The following IQSEC1 variants were observed in gnomAD, a reference collection of about 807,000 sequenced individuals.
IQSEC1 encodes IQ motif and Sec7 domain ArfGEF 1.
A neutral mutation model predicts 91.0 loss-of-function variants in IQSEC1; 31 were observed. The ratio of observed to expected loss-of-function variants is 0.34; its 90% confidence interval spans 0.26 to 0.46. The LOEUF (loss-of-function observed/expected upper bound fraction) is 0.46. Ranked by LOEUF, IQSEC1 falls within the 20% of genes least tolerant of loss-of-function variation. The probability of loss-of-function intolerance (pLI) is 1.00; values close to 1 mark genes in which losing one functional copy is unlikely to be tolerated. For missense variants in IQSEC1, 1,388 were observed against 1,575.6 expected (o/e 0.88, Z 2.02); for synonymous variants, 699 against 662.6 (o/e 1.05, Z -0.84).
At chr3:13,070,483 G>T (rs906918051) in intron 1 of IQSEC1, among the ~76,000 whole-genome samples, 25 of 152,202 alleles carry the variant, frequency 1.6e-4, no homozygotes, top group Admixed American at 1.0e-3. Flanking sequence ...GAAAGGCAGG[G>T]TAACAATAAG....
chr3:12,911,303 C>A (rs1391578196), intron 10 of IQSEC1, among the ~76,000 whole-genome samples: 1 of 152,230 alleles, frequency 6.6e-6, no homozygotes, highest in Non-Finnish European at 1.5e-5. Context: ...TTGCATATCA[C>A]CTATGACTTA....
Position 13,193,694 on chromosome 3 carries a change from G to T in IQSEC1, c.273-29561C>A, listed in dbSNP as rs982670233. Among the ~76,000 whole-genome samples, 2 of 152,158 alleles carry T rather than the reference G, an allele frequency of 1.3e-5. No homozygotes were observed. The highest frequency in any genetic ancestry group is 6.5e-5 in the Admixed American group (1 of 15,280). On this transcript the variant is annotated intron_variant, in intron 1 of 15. Coordinates refer to the IQSEC1 transcript ENST00000648114. This position sits in a 1 kb window ranked among gnomAD's most constrained non-coding sequence, Gnocchi z 4.2. ...AAGAGGCAGTTGGAGACCAAAGGCT[G>T]ATGTCAGAGCTTAAGCCTCCCTCCT...
intron 1 of IQSEC1, among the ~76,000 whole-genome samples, chr3:13,237,693 G>C (rs774465105): frequency 6.6e-6 from 1 of 152,240 alleles, no homozygotes; most frequent in Non-Finnish European, 1.5e-5. Context: ...TGGTGCACTT[G>C]CAAATCCTCA....
chr3:13,052,530 C>T (rs144236232), intron 1 of IQSEC1, among the ~76,000 whole-genome samples: 16 of 152,270 alleles, frequency 1.1e-4, no homozygotes, highest in African/African-American at 3.6e-4. Context: ...TTTGTGTAGA[C>T]GCCAGTCTTC....
Position 12,901,129 on chromosome 3 carries a change from G to T in IQSEC1, c.3199C>A (p.Pro1067Thr). ...CCGTGGGCATGGGCCCCGTAGGCTG[G>T]GTGGCCCCCATGGGGGCCGTGGTGG... is the stretch of plus-strand genomic sequence containing the variant. ...QYHHGPHGGH[P>T]AYGAHAHGHP... The change falls in exon 14 of 14, where the codon CCA becomes ACA. Residue 1067 changes from proline to threonine, a missense_variant. By Grantham distance (38) the Pro-to-Thr change is conservative. Around this residue, in one of 2 missense-constraint regions of IQSEC1, gnomAD observed 329 missense variants for 257.8 expected, o/e 1.28. Coordinates refer to ENST00000613206, the MANE Select transcript of IQSEC1 (RefSeq NM_001134382.3). 1.3e-6 allele frequency: 2 copies of T among 1,542,706 alleles called. No individual in the cohort carries two copies. The highest frequency in any genetic ancestry group is 8.7e-7 in the Non-Finnish European group (1 of 1,145,748).
chr3:13,154,259 C>T (rs912135713), intron 2 of IQSEC1, among the ~76,000 whole-genome samples: 3 of 150,148 alleles, frequency 2.0e-5, no homozygotes, highest in Non-Finnish European at 4.4e-5. Flanking sequence ...GCAGGGTCAC[C>T]GCATGTTCAA....
At chr3:13,161,530 C>T (rs1330505328) in intron 2 of IQSEC1, among the ~76,000 whole-genome samples, 5 of 152,142 alleles carry the variant, frequency 3.3e-5, no homozygotes, top group Admixed American at 6.5e-5. Flanking sequence ...AAAAGGGAGG[C>T]CCAGCTCCTG....
At chr3:12,943,596 A>C (rs191719902) in intron 1 of IQSEC1, among the ~76,000 whole-genome samples, 256 of 151,998 alleles carry the variant, frequency 1.7e-3, no homozygotes, top group African/African-American at 5.7e-3. Flanking sequence ...CACAGACCCC[A>C]CTCAGCTGCG....
At chr3:13,168,868 C>T (rs931753195) in intron 1 of IQSEC1, among the ~76,000 whole-genome samples, 1 of 152,210 alleles carries the variant, frequency 6.6e-6, no homozygotes, top group African/African-American at 2.4e-5. Context: ...GATTCTCTGC[C>T]ATATTACCCC....
chr3:13,204,543 C>A (rs942102152), intron 1 of IQSEC1, among the ~76,000 whole-genome samples: 3 of 152,218 alleles, frequency 2.0e-5, no homozygotes, highest in African/African-American at 7.2e-5. Flanking sequence ...GCTCACGCTG[C>A]GCCTCAGCTG....
chr3:13,010,993 C>T (rs1702858342), intron 1 of IQSEC1, among the ~76,000 whole-genome samples: 1 of 152,254 alleles, frequency 6.6e-6, no homozygotes, highest in Non-Finnish European at 1.5e-5. Context: ...CCCACACTTC[C>T]TCCACCACTC....
chr3:13,123,790 G>A (rs1706464418), intron 2 of IQSEC1, among the ~76,000 whole-genome samples: 1 of 152,220 alleles, frequency 6.6e-6, no homozygotes, highest in Admixed American at 6.5e-5. Context: ...CCAGAGCCCT[G>A]CGCTGACCTG....
rs555154307 is a variant in IQSEC1 at position 12,987,015 on chromosome 3, G to A, written c.24-45150C>T. 6.5e-5 allele frequency: 29 copies of A among 443,140 alleles called. 1 individual carries two copies. The highest frequency in any genetic ancestry group is 4.0e-4 in the South Asian group (25 of 63,206). 27.5% of individuals were successfully genotyped at this position (443,140 alleles called of 1,614,324 possible). A position where few individuals can be genotyped will look rare whatever the true frequency, so the allele number is the denominator to read the frequency against. On this transcript the variant is annotated intron_variant, in intron 1 of 13. Coordinates refer to ENST00000613206, the MANE Select transcript of IQSEC1 (RefSeq NM_001134382.3). ...TGGGGGCCTCCTGCCACAAACAGCC[G>A]CAGCCTGGCTGGCTTCTCAGGCCTC... is the stretch of plus-strand genomic sequence containing the variant.
chr3:13,100,535 G>A lies in IQSEC1; in HGVS notation c.303-53013C>T, dbSNP rs1482574419. On this transcript the variant is annotated intron_variant, in intron 2 of 15. Transcript: ENST00000648114. ...ACCTCCTTGAGCTCCGCCTCTTGCA[G>A]CTAGAGTTGGGACAGCGGCGGGCGC... 6.1e-5 allele frequency among the ~76,000 whole-genome samples: 9 copies of A among 148,734 alleles called. 2 individuals carry two copies. Among genetic ancestry groups the A allele is most frequent in the African/African-American group, 2.3e-4 (9 of 39,438 alleles).
At position 12,936,076 on chromosome 3, in the gene IQSEC1, T is replaced by C. The variant is rs759831591; in HGVS notation, c.940A>G (p.Thr314Ala). 31 of 1,608,712 alleles carry C rather than the reference T, an allele frequency of 1.9e-5. No individual in the cohort carries two copies. In the African/African-American group the frequency reaches 3.6e-4, roughly 19 times the overall value. ...LSQAGDRPSS[T>A]ESDLRLRAGG... Reference sequence around the variant, plus strand: ...GCCCGTAGCCGCAGGTCCGACTCGGTGCTGGACGGCCGGTCCCCTGCCTGC... The same window carrying C: ...GCCCGTAGCCGCAGGTCCGACTCGGCGCTGGACGGCCGGTCCCCTGCCTGC... The change falls in exon 3 of 14, where the codon ACC (threonine) becomes GCC (alanine). Residue 314 changes from threonine (T) to alanine (A), a missense_variant. This residue lies in a region of IQSEC1 where 1,059 missense variants were observed against 1,317.8 expected (regional missense o/e 0.80). Coordinates refer to ENST00000613206, the MANE Select transcript of IQSEC1 (RefSeq NM_001134382.3).
At chr3:12,969,769 G>T (rs73813749) in intron 1 of IQSEC1, among the ~76,000 whole-genome samples, 73 of 152,350 alleles carry the variant, frequency 4.8e-4, no homozygotes, top group African/African-American at 1.6e-3. Flanking sequence ...TGGTCTTGGC[G>T]ACATTGTCTC....
In IQSEC1 at chr3:12,901,995, G is replaced by C. The variant is rs960234613; in HGVS notation, c.2806-473C>G. Among the ~76,000 whole-genome samples the C allele has an allele frequency of 1.4e-4, 22 of 151,886 alleles. 1 individual carries two copies. Among genetic ancestry groups the C allele is most frequent in the African/African-American group, 5.1e-4 (21 of 41,326 alleles). On this transcript the variant is annotated intron_variant, in intron 13 of 13. Transcript: ENST00000613206. ...CAACTGGGCTGAGGGCATGTGCTCC[G>C]CCCATGTGGGTCCTGAGGTCTCGGG...
At chr3:13,029,777 C>A (rs1453231747) in intron 1 of IQSEC1, among the ~76,000 whole-genome samples, 2 of 152,246 alleles carry the variant, frequency 1.3e-5, no homozygotes, top group Non-Finnish European at 2.9e-5. Flanking sequence ...CTGGTGAGGA[C>A]TGGTAAGGAC....
chr3:13,084,389 A>G (rs1363761761), intron 2 of IQSEC1, among the ~76,000 whole-genome samples: 1 of 152,196 alleles, frequency 6.6e-6, no homozygotes, highest in South Asian at 2.1e-4. Flanking sequence ...TGGCCTGGCA[A>G]CATCCCAGGG....
Sources: allele counts gnomAD v4.1 joint callset (sites outside exome capture counted in the v4.1 genomes callset), GRCh38; gene constraint gnomAD v4.1.1; regional missense constraint gnomAD v4.1.1; non-coding constraint Gnocchi (gnomAD v3.1); transcripts MANE v1.5; gene names NCBI Gene and HGNC (gene_info 2026-07-23, HGNC 2026-07-21).